Variants in INHBE observed in about 807,000 individuals in gnomAD.
INHBE encodes the protein inhibin subunit beta E.
A neutral mutation model predicts 27.8 loss-of-function variants in INHBE; 19 were observed. The observed-to-expected ratio is 0.68, with a 90% CI of 0.48 to 1.00. The LOEUF (loss-of-function observed/expected upper bound fraction) is 1.00, where lower values mean the gene tolerates loss of function less well. Ranked by LOEUF, INHBE falls within the 50% of genes least tolerant of loss-of-function variation. The probability of loss-of-function intolerance (pLI) is 0.00; values close to 1 mark genes in which losing one functional copy is unlikely to be tolerated. For synonymous variants in INHBE, 196 were observed against 187.2 expected (o/e 1.05, Z -0.38); for missense variants, 398 against 433.9 (o/e 0.92, Z 0.73).
rs987724167 is a variant in INHBE at position 57,457,627 on chromosome 12, G to A, written c.*779G>A. 6.6e-6 allele frequency: 1 copy of A among 152,078 alleles called. No homozygotes were observed. 9.4% of individuals were successfully genotyped at this position (152,078 alleles called of 1,614,324 possible). On this transcript the variant is annotated 3_prime_UTR_variant, in exon 2 of 2. Coordinates refer to ENST00000266646, the MANE Select transcript of INHBE (RefSeq NM_031479.5). ...TAATTTTTGTATTCTTAGTAGAAAC[G>A]AGGTTTCAACATGTTGGCCAGGATG...
chr12:57,456,646 T>C lies in INHBE; in HGVS notation c.851T>C (p.Leu284Pro). The change falls in exon 2 of 2, where the codon CTG becomes CCG. Residue 284 changes from leucine (L) to proline (P), a missense_variant. Transcript: ENST00000266646. ...NYCSGQCPPH[L>P]AGSPGIAASF... is the part of the protein sequence containing the mutation. ...TGCAGTGGGCAGTGCCCTCCCCACC[T>C]GGCTGGCAGCCCAGGCATTGCTGCC... is the stretch of plus-strand genomic sequence containing the variant. The C allele has an allele frequency of 1.2e-6, 2 of 1,614,228 alleles. No homozygotes were observed. Among genetic ancestry groups the C allele is most frequent in the Non-Finnish European group, 1.7e-6 (2 of 1,180,038 alleles).
rs998745262 is a variant in INHBE, at chr12:57,457,782, C to T, written c.*934C>T. 2 of 152,196 alleles carry T rather than the reference C, an allele frequency of 1.3e-5. No homozygotes were observed. The allele number at this position is 152,196 out of a possible 1,614,324, so 9.4% of individuals were successfully genotyped here. ...AGAAAGAAAATCAACAAATGTGAGT[C>T]ATAAAGAAGGGTTAGGGTGATGGTC... On this transcript the variant is annotated 3_prime_UTR_variant, in exon 2 of 2. Transcript: ENST00000266646.
chr12:57,455,707 G>C lies in INHBE; in HGVS notation c.171G>C (p.Leu57=), dbSNP rs751575286. The change falls in exon 1 of 2, where the codon CTG becomes CTC. Residue 57 remains leucine, a synonymous_variant. Coordinates refer to ENST00000266646, the MANE Select transcript of INHBE (RefSeq NM_031479.5). ...AGCAAATCCTGGATGGGTTGCACCT[G>C]ACCAGTCGTCCCAGAATAACTCATC... ...AKQQILDGLH[L]TSRPRITHPP... The C allele has an allele frequency of 3.7e-6, 6 of 1,614,052 alleles. No homozygotes were observed. The South Asian group carries it at 6.6e-5, about 18-fold the overall frequency.
Position 57,456,109 on chromosome 12 carries a change from AC to A in INHBE, c.315del (p.Tyr105Ter), listed in dbSNP as rs1285324322. 1.2e-6 allele frequency: 2 copies of A among 1,610,920 alleles called. No individual in the cohort carries two copies. The highest frequency in any genetic ancestry group is 2.7e-5 in the African/African-American group (2 of 74,826). On this transcript the variant is annotated frameshift_variant, in exon 2 of 2. Coordinates refer to ENST00000266646, the MANE Select transcript of INHBE (RefSeq NM_031479.5). LOFTEE classifies it high-confidence loss of function. ...TTTCGGGCAGACTCCACTTCAGCCT[AC>A]AGCTCCCTGCTCACTTTTCACCTGT... ...FATVTDSTSA[Y>X]SSLLTFHLST...
chr12:57,456,288 A>G lies in INHBE; in HGVS notation c.493A>G (p.Asn165Asp), dbSNP rs889113985. The change falls in exon 2 of 2, where the codon AAC becomes GAC. Residue 165 changes from asparagine to aspartate, a missense_variant. By Grantham distance (23) the Asn-to-Asp change is conservative. Transcript: ENST00000266646. ...TCTCCTGGCTGAGCACCACATCACC[A>G]ACCTGGGCTGGCATACCTTAACTCT... ...RTLLAEHHIT[N>D]LGWHTLTLPS... 1.9e-6 allele frequency: 3 copies of G among 1,613,978 alleles called. No individual in the cohort carries two copies. In the African/African-American group the frequency reaches 4.0e-5, roughly 22 times the overall value.
In INHBE at chr12:57,457,027, T is replaced by G. The variant is rs1870853668; in HGVS notation, c.*179T>G. 2 of 647,060 alleles carry G rather than the reference T, an allele frequency of 3.1e-6. No individual in the cohort carries two copies. The highest frequency in any genetic ancestry group is 5.5e-5 in the East Asian group (2 of 36,392). 40.1% of individuals were successfully genotyped at this position (647,060 alleles called of 1,614,324 possible). Reference sequence around the variant, plus strand: ...GCACTTTCTTGTCTGAGACTCTGGCTTATTCCAGGTTGGCTGATGTGTTGG... The same window carrying G: ...GCACTTTCTTGTCTGAGACTCTGGCGTATTCCAGGTTGGCTGATGTGTTGG... On this transcript the variant is annotated 3_prime_UTR_variant, in exon 2 of 2. Coordinates refer to ENST00000266646, the MANE Select transcript of INHBE (RefSeq NM_031479.5).
rs748124825 is a variant in INHBE, at chr12:57,456,409, C to T, written c.614C>T (p.Pro205Leu). 33 of 1,613,986 alleles carry T rather than the reference C, an allele frequency of 2.0e-5. No homozygotes were observed. The highest frequency in any genetic ancestry group is 2.6e-5 in the Non-Finnish European group (31 of 1,180,022). ...LEGNSTVTGQ[P>L]RRLLDTAGHQ... The stretch of plus-strand genomic sequence containing the variant: ...GGCAACAGCACAGTTACTGGACAAC[C>T]GAGGCGGCTCTTGGACACAGCAGGA... Residue 205 changes from proline to leucine, a missense_variant, in exon 2 of 2, where the codon CCG becomes CTG. Physicochemically the swap from Pro to Leu is moderately conservative, Grantham distance 98. Transcript: ENST00000266646.
Position 57,456,762 on chromosome 12 carries a change from CT to C in INHBE, c.968del (p.Leu323ProfsTer42). On this transcript the variant is annotated frameshift_variant, in exon 2 of 2. Transcript: ENST00000266646. LOFTEE classifies it high-confidence loss of function. The stretch of plus-strand genomic sequence containing the variant: ...TTGTGTCCCTACTGCCCGAAGGCCC[CT>C]CTCTCTCCTCTACCTGGATCATAAT... ...SCCVPTARRP[L>X]SLLYLDHNGN... The C allele has an allele frequency of 1.5e-5, 25 of 1,614,230 alleles. No individual in the cohort carries two copies. Among genetic ancestry groups the C allele is most frequent in the Non-Finnish European group, 2.0e-5 (24 of 1,180,040 alleles).
Position 57,455,815 on chromosome 12 carries a change from C to T in INHBE, c.279C>T (p.Ile93=). ...CTCCAGGGAATGGGGAGGAGGTCATCAGCTTTGCTACTGTCACAGGTGGGT... is the reference window on the plus strand; with the variant it reads ...CTCCAGGGAATGGGGAGGAGGTCATTAGCTTTGCTACTGTCACAGGTGGGT... ...SVAPGNGEEV[I]SFATVTDSTS... The change falls in exon 1 of 2, where the codon ATC becomes ATT. Residue 93 remains isoleucine (I), a synonymous_variant. Transcript: ENST00000266646. 4 of 1,613,952 alleles carry T rather than the reference C, an allele frequency of 2.5e-6. No individual in the cohort carries two copies. Among genetic ancestry groups the T allele is most frequent in the Non-Finnish European group, 3.4e-6 (4 of 1,179,942 alleles).
chr12:57,455,462 G>GC lies in INHBE; in HGVS notation c.-70dup. ...GTCTGCTGTCACTGTGCCCTCATTG[G>GC]CCCCCAGCAATCAGACTCAACAGAC... is the stretch of plus-strand genomic sequence containing the variant. On this transcript the variant is annotated 5_prime_UTR_variant, in exon 1 of 2. Transcript: ENST00000266646. 6.9e-7 allele frequency: 1 copy of GC among 1,444,544 alleles called. No individual in the cohort carries two copies. Among genetic ancestry groups the GC allele is most frequent in the Admixed American group, 1.9e-5 (1 of 52,784 alleles). The allele number at this position is 1,444,544 out of a possible 1,614,324, so 89.5% of individuals were successfully genotyped here. A position where few individuals can be genotyped will look rare whatever the true frequency, so the allele number is the denominator to read the frequency against.
chr12:57,456,788 T>C lies in INHBE; in HGVS notation c.993T>C (p.Asn331=), dbSNP rs745438889. The C allele has an allele frequency of 1.2e-6, 2 of 1,614,208 alleles. No individual in the cohort carries two copies. The highest frequency in any genetic ancestry group is 1.3e-5 in the African/African-American group (1 of 75,064). The change falls in exon 2 of 2, where the codon AAT becomes AAC. Residue 331 remains asparagine, a synonymous_variant. Coordinates refer to ENST00000266646, the MANE Select transcript of INHBE (RefSeq NM_031479.5). ...RPLSLLYLDH[N]GNVVKTDVPD... ...TCTCTCTCCTCTACCTGGATCATAATGGCAATGTGGTCAAGACGGATGTGC... is the reference window on the plus strand; with the variant it reads ...TCTCTCTCCTCTACCTGGATCATAACGGCAATGTGGTCAAGACGGATGTGC...
chr12:57,456,715 CTTGG>C lies in INHBE; in HGVS notation c.921_924del (p.Trp308LeufsTer56). 1 of 1,614,242 alleles carries C rather than the reference CTTGG, an allele frequency of 6.2e-7. No homozygotes were observed. The highest frequency in any genetic ancestry group is 8.5e-7 in the Non-Finnish European group (1 of 1,180,048). ...TTCAGCCTCCTCAAAGCCAACAATC[CTTGG>C]CCTGCCAGTACCTCCTGTTGTGTCC... is the stretch of plus-strand genomic sequence containing the variant. On this transcript the variant is annotated frameshift_variant, in exon 2 of 2. Transcript: ENST00000266646. LOFTEE classifies it high-confidence loss of function.
rs1260454558 is a variant in INHBE, at chr12:57,455,805, A to G, written c.269A>G (p.Glu90Gly). 8 of 1,613,844 alleles carry G rather than the reference A, an allele frequency of 5.0e-6. No individual in the cohort carries two copies. The highest frequency in any genetic ancestry group is 6.8e-6 in the Non-Finnish European group (8 of 1,179,958). Reference sequence around the variant, plus strand: ...GGGAGTGTGGCTCCAGGGAATGGGGAGGAGGTCATCAGCTTTGCTACTGTC... The same window carrying G: ...GGGAGTGTGGCTCCAGGGAATGGGGGGGAGGTCATCAGCTTTGCTACTGTC... Reference protein sequence around the residue: ...QPGSVAPGNGEEVISFATVTD... With the variant: ...QPGSVAPGNGGEVISFATVTD... Residue 90 changes from glutamate to glycine, a missense_variant, in exon 1 of 2, where the codon GAG becomes GGG. By Grantham distance (98) the Glu-to-Gly change is moderately conservative. Coordinates refer to ENST00000266646, the MANE Select transcript of INHBE (RefSeq NM_031479.5).
chr12:57,456,487 G>A lies in INHBE; in HGVS notation c.692G>A (p.Gly231Asp). The change falls in exon 2 of 2, where the codon GGC (glycine) becomes GAC (aspartate). Residue 231 changes from glycine to aspartate, a missense_variant. Gly to Asp is a moderately conservative substitution (Grantham distance 94, BLOSUM62 -1). Coordinates refer to ENST00000266646, the MANE Select transcript of INHBE (RefSeq NM_031479.5). ...ATCCGAGCCAATGAGCCTGGAGCAG[G>A]CCGGGCCAGGAGGAGGACCCCCACC... ...LKIRANEPGA[G>D]RARRRTPTCE... 1 of 1,614,180 alleles carries A rather than the reference G, an allele frequency of 6.2e-7. No individual in the cohort carries two copies. Among genetic ancestry groups the A allele is most frequent in the Non-Finnish European group, 8.5e-7 (1 of 1,180,034 alleles).
At position 57,457,003 on chromosome 12, in the gene INHBE, C is replaced by T. The variant is rs1870853191; in HGVS notation, c.*155C>T. ...TTGACCCCTATGGGACCCAAATGGGCACTTTCTTGTCTGAGACTCTGGCTT... is the reference window on the plus strand; with the variant it reads ...TTGACCCCTATGGGACCCAAATGGGTACTTTCTTGTCTGAGACTCTGGCTT... On this transcript the variant is annotated 3_prime_UTR_variant, in exon 2 of 2. Transcript: ENST00000266646. 1.2e-5 allele frequency: 9 copies of T among 762,504 alleles called. No homozygotes were observed. Among genetic ancestry groups the T allele is most frequent in the Admixed American group, 5.7e-5 (2 of 34,802 alleles). 47.2% of individuals were successfully genotyped at this position (762,504 alleles called of 1,614,324 possible). A position where few individuals can be genotyped will look rare whatever the true frequency, so the allele number is the denominator to read the frequency against.
rs761386286 is a variant in INHBE, at chr12:57,455,667, T to C, written c.131T>C (p.Leu44Pro). Residue 44 changes from leucine to proline, a missense_variant, in exon 1 of 2, where the codon CTG becomes CCG. Physicochemically the swap from Leu to Pro is moderately conservative, Grantham distance 98. Coordinates refer to ENST00000266646, the MANE Select transcript of INHBE (RefSeq NM_031479.5). ...CCCCAAGCAGAACGAGCTCTGGTGC[T>C]GGAGCTAGCCAAGCAGCAAATCCTG... is the stretch of plus-strand genomic sequence containing the variant. ...LAPQAERALV[L>P]ELAKQQILDG... 2 of 1,614,124 alleles carry C rather than the reference T, an allele frequency of 1.2e-6. No individual in the cohort carries two copies. The highest frequency in any genetic ancestry group is 1.7e-5 in the Admixed American group (1 of 60,022).
rs1032844080 is a variant in INHBE, at chr12:57,457,544, G to T, written c.*696G>T. On this transcript the variant is annotated 3_prime_UTR_variant, in exon 2 of 2. Coordinates refer to ENST00000266646, the MANE Select transcript of INHBE (RefSeq NM_031479.5). Reference sequence around the variant, plus strand: ...TGGCTCACTGCAACCTCCGTCTCCTGGGTTCAAGTGATTCTTCTGCCTCAG... The same window carrying T: ...TGGCTCACTGCAACCTCCGTCTCCTTGGTTCAAGTGATTCTTCTGCCTCAG... The T allele has an allele frequency of 6.6e-6, 1 of 152,048 alleles. No homozygotes were observed. Among genetic ancestry groups the T allele is most frequent in the Non-Finnish European group, 1.5e-5 (1 of 68,012 alleles). 9.4% of individuals were successfully genotyped at this position (152,048 alleles called of 1,614,324 possible). A position where few individuals can be genotyped will look rare whatever the true frequency, so the allele number is the denominator to read the frequency against.
rs1229969072 is a variant in INHBE, at chr12:57,455,597, G to C, written c.61G>C (p.Gly21Arg). Reference sequence around the variant, plus strand: ...GCTGTGGGCACTGGTGCGAGCACAGGGGACAGGGTCTGTGTGTCCCTCCTG... The same window carrying C: ...GCTGTGGGCACTGGTGCGAGCACAGCGGACAGGGTCTGTGTGTCCCTCCTG... ...VLLWALVRAQ[G>R]TGSVCPSCGG... The change falls in exon 1 of 2, where the codon GGG becomes CGG. Residue 21 changes from glycine to arginine, a missense_variant. Coordinates refer to ENST00000266646, the MANE Select transcript of INHBE (RefSeq NM_031479.5). 10 of 1,613,962 alleles carry C rather than the reference G, an allele frequency of 6.2e-6. No homozygotes were observed. The highest frequency in any genetic ancestry group is 7.6e-6 in the Non-Finnish European group (9 of 1,179,998).
chr12:57,455,911 G>C, intron 1 of INHBE, 77 bp downstream of exon 1: 5 of 1,465,178 alleles, frequency 3.4e-6, no homozygotes, highest in Non-Finnish European at 4.7e-6. Context: ...AGGAGCAGCA[G>C]AGGGAGTGGG....
Sources: gnomAD v4.1 joint callset for allele counts on GRCh38, gnomAD v4.1.1 for gene constraint, MANE v1.5 for transcripts, NCBI Gene and HGNC (gene_info 2026-07-23, HGNC 2026-07-21) for gene names.